The following PRKD3 variants were observed in gnomAD, a reference collection of about 807,000 sequenced individuals.
PRKD3 encodes the protein serine/threonine-protein kinase D3.
In PRKD3, 47 loss-of-function variants were observed where a neutral mutation model predicts 99.2. That is an observed-to-expected ratio of 0.47 (90% CI 0.38 to 0.60). The LOEUF (loss-of-function observed/expected upper bound fraction) is 0.60, where lower values mean the gene tolerates loss of function less well. PRKD3 is among the 20% of genes least tolerant of loss of function. The probability of loss-of-function intolerance (pLI) is 0.00; values close to 1 mark genes in which losing one functional copy is unlikely to be tolerated. For synonymous variants in PRKD3, 392 were observed against 355.4 expected, an observed-to-expected ratio of 1.10 and a Z score of -1.16; for missense variants, 1,019 against 1,088.4, an observed-to-expected ratio of 0.94 and a Z score of 0.90.
chr2:37,286,431 A>G (rs1314075310), intron 5 of PRKD3, 62 bp from the exon 6 acceptor site: 3 of 1,356,112 alleles, frequency 2.2e-6, no homozygotes, highest in African/African-American at 1.5e-5. Context: ...GTGGGAGCAG[A>G]GCTTAACCAC....
In PRKD3 at chr2:37,317,066, G is replaced by C. The variant is rs1671699019; in HGVS notation, c.-542C>G. On this transcript the variant is annotated 5_prime_UTR_variant, in exon 2 of 19. Transcript: ENST00000234179. ...CTCAAATGTCCTCATTTTCATTCTGGGGGGATGAACTTTTCTATGACGAAA... is the reference window on the plus strand; with the variant it reads ...CTCAAATGTCCTCATTTTCATTCTGCGGGGATGAACTTTTCTATGACGAAA... 1.0e-6 allele frequency: 1 copy of C among 985,230 alleles called. No individual in the cohort carries two copies. 61.0% of individuals were successfully genotyped at this position (985,230 alleles called of 1,614,324 possible).
chr2:37,308,447 CAG>C (rs1199246355), intron 2 of PRKD3, among the ~76,000 whole-genome samples: 3 of 152,050 alleles, frequency 2.0e-5, no homozygotes, highest in Non-Finnish European at 4.4e-5. Flanking sequence ...TCTTTTGAGA[CAG>C]AGTTTTGCTC....
intron 2 of PRKD3, among the ~76,000 whole-genome samples, chr2:37,301,434 T>G (rs896627081): frequency 3.9e-5 from 6 of 151,910 alleles, no homozygotes; most frequent in African/African-American, 1.5e-4. Context: ...TAAAACCAAT[T>G]CTGGATTACA....
chr2:37,279,094 G>A (rs1002859682), intron 8 of PRKD3: 11 of 152,126 alleles, frequency 7.2e-5, no homozygotes, highest in African/African-American at 2.7e-4. Flanking sequence ...ACCTGAGACT[G>A]AAATAAATGA....
Position 37,253,019 on chromosome 2 carries a change from C to A in PRKD3, c.*158G>T. On this transcript the variant is annotated 3_prime_UTR_variant, in exon 19 of 19. Coordinates refer to ENST00000234179, the MANE Select transcript of PRKD3 (RefSeq NM_005813.6). Reference sequence around the variant, plus strand: ...CTTATTATTCAGTTTCCCGCCTGTACCTACTCATTATGAACTACAGTACTG... The same window carrying A: ...CTTATTATTCAGTTTCCCGCCTGTAACTACTCATTATGAACTACAGTACTG... The A allele has an allele frequency of 1.6e-6, 1 of 627,708 alleles. No homozygotes were observed. Among genetic ancestry groups the A allele is most frequent in the Non-Finnish European group, 2.4e-6 (1 of 409,962 alleles). 38.9% of individuals were successfully genotyped at this position (627,708 alleles called of 1,614,324 possible).
At chr2:37,273,410 AAAT>A (rs1288468095) in intron 11 of PRKD3, among the ~76,000 whole-genome samples, 1 of 152,154 alleles carries the variant, frequency 6.6e-6, no homozygotes, top group East Asian at 1.9e-4. Flanking sequence ...TGTCTCAACT[AAAT>A]AATGTTACCC....
rs759230031 is a variant in PRKD3, at chr2:37,274,626, A to G, written c.1446T>C (p.Asn482=). The G allele has an allele frequency of 1.8e-5, 29 of 1,614,102 alleles. No homozygotes were observed. Among genetic ancestry groups the G allele is most frequent in the Middle Eastern group, 1.7e-4 (1 of 6,060 alleles). ...RDFTNISQGS[N]PHCFEIITDT... is the part of the protein sequence containing the mutation. ...CAGTAATGATTTCAAAACAGTGTGG[A>G]TTGCTGCCTTGTGAAATGTTTGTGA... The change falls in exon 11 of 19, where the codon AAT becomes AAC. Residue 482 remains asparagine, a synonymous_variant. Transcript: ENST00000234179.
intron 5 of PRKD3, among the ~76,000 whole-genome samples, chr2:37,289,114 A>G (rs1670261692): frequency 6.6e-6 from 1 of 151,880 alleles, no homozygotes; most frequent in Non-Finnish European, 1.5e-5. Context: ...GGAGACCAGG[A>G]GCCAGGATAC....
chr2:37,262,902 C>T lies in PRKD3; in HGVS notation c.1885-2518G>A, dbSNP rs78695298. Reference sequence around the variant, plus strand: ...AAGTATCCTAAGATTCCTTCCCCCCCCCGTATTTGTGGTTATCTCCCTAAG... The same window carrying T: ...AAGTATCCTAAGATTCCTTCCCCCCTCCGTATTTGTGGTTATCTCCCTAAG... On this transcript the variant is annotated intron_variant, in intron 14 of 18. Coordinates refer to ENST00000234179, the MANE Select transcript of PRKD3 (RefSeq NM_005813.6). 1.8e-3 allele frequency among the ~76,000 whole-genome samples: 269 copies of T among 151,576 alleles called. 2 individuals are homozygous for T. The highest frequency in any genetic ancestry group is 3.4e-3 in the Middle Eastern group (1 of 294).
chr2:37,312,235 C>A (rs1375228473), intron 2 of PRKD3, among the ~76,000 whole-genome samples: 1 of 152,024 alleles, frequency 6.6e-6, no homozygotes, highest in Non-Finnish European at 1.5e-5. Flanking sequence ...AGCAATAAAG[C>A]CTGCATTTGT....
chr2:37,254,748 A>G (rs1043319145), intron 17 of PRKD3, among the ~76,000 whole-genome samples: 3 of 152,184 alleles, frequency 2.0e-5, no homozygotes, highest in African/African-American at 7.2e-5. Context: ...CCCCGCTCCA[A>G]TGCTAGAGAG....
intron 8 of PRKD3, chr2:37,278,859 C>T (rs1264751852): frequency 6.6e-6 from 1 of 151,932 alleles, no homozygotes; most frequent in Non-Finnish European, 1.5e-5. Context: ...ATCGCTTGAA[C>T]CGGGAGGCAG....
At chr2:37,280,287 C>G (rs1669796717) in intron 7 of PRKD3, among the ~76,000 whole-genome samples, 1 of 152,142 alleles carries the variant, frequency 6.6e-6, no homozygotes, top group African/African-American at 2.4e-5. Context: ...TCAGGGGATC[C>G]ACCCACTTCG....
At position 37,293,224 on chromosome 2, in the gene PRKD3, A is replaced by C; in HGVS notation, c.336T>G (p.Phe112Leu). ...TGTTTTCTGAGTTCATGTCATGGCG[A>C]AAGAGAAGAATTTTGTCATACATGC... The part of the protein sequence containing the change: ...FFGMYDKILL[F>L]RHDMNSENIL... The change falls in exon 3 of 19, where the codon TTT becomes TTG. Residue 112 changes from phenylalanine to leucine, a missense_variant. Physicochemically the swap from Phe to Leu is conservative, Grantham distance 22. Transcript: ENST00000234179. 2 of 1,604,016 alleles carry C rather than the reference A, an allele frequency of 1.2e-6. No individual in the cohort carries two copies. Among genetic ancestry groups the C allele is most frequent in the Non-Finnish European group, 1.7e-6 (2 of 1,172,314 alleles).
At chr2:37,287,262 A>AAAAAAAAAAAAAAAAG (rs1670155965) in intron 5 of PRKD3, among the ~76,000 whole-genome samples, 1 of 80,392 alleles carries the variant, frequency 1.2e-5, no homozygotes, top group African/African-American at 5.3e-5. Context: ...AAAAAAAAAA[A>AAAAAAAAAAAAAAAAG]AAAAAGAAAA....
chr2:37,273,306 C>T (rs1196327459), intron 11 of PRKD3, among the ~76,000 whole-genome samples: 2 of 151,950 alleles, frequency 1.3e-5, no homozygotes, highest in East Asian at 3.9e-4. Context: ...ACTTAAGAAC[C>T]ACTGTGAAAC....
intron 1 of PRKD3, among the ~76,000 whole-genome samples, chr2:37,323,584 G>T (rs1220642356): frequency 6.6e-6 from 1 of 152,240 alleles, no homozygotes; most frequent in Non-Finnish European, 1.5e-5. Context: ...CTAGATCTCA[G>T]TCGGGGGAAC....
intron 7 of PRKD3, among the ~76,000 whole-genome samples, chr2:37,281,813 A>G (rs141549266): frequency 0.023 from 3,469 of 152,266 alleles, 59 homozygotes; most frequent in Middle Eastern, 0.054. Context: ...TTACAGAACT[A>G]CTTACATAAA....
At chr2:37,268,506 A>C in intron 13 of PRKD3, 1 of 354,678 alleles carries the variant, frequency 2.8e-6, no homozygotes, top group Non-Finnish European at 5.5e-6. Flanking sequence ...CGCTCCAATA[A>C]AGTTCAGTGG....
Sources: allele counts gnomAD v4.1 joint callset (sites outside exome capture counted in the v4.1 genomes callset), GRCh38; gene constraint gnomAD v4.1.1; transcripts MANE v1.5; gene names NCBI Gene and HGNC (gene_info 2026-07-23, HGNC 2026-07-21).